The following EFCAB6 variants were observed in gnomAD, a reference collection of about 807,000 sequenced individuals.
EFCAB6 encodes EF-hand calcium-binding domain-containing protein 6.
EFCAB6 carries 156 observed loss-of-function variants against 169.8 expected under a neutral mutation model. That is an observed-to-expected ratio of 0.92 (90% CI 0.81 to 1.05). The LOEUF (loss-of-function observed/expected upper bound fraction) is 1.05. Among genes scored for constraint, EFCAB6 ranks in the 50% least tolerant of loss-of-function variants. The pLI is 0.00. For synonymous variants in EFCAB6, 698 were observed against 676.4 expected (o/e 1.03, Z -0.50); for missense variants, 1,800 against 1,829.1 (o/e 0.98, Z 0.29).
At chr22:43,668,192 A>G (rs1569348361) in intron 16 of EFCAB6, among the ~76,000 whole-genome samples, 1 of 152,174 alleles carries the variant, frequency 6.6e-6, no homozygotes, top group Non-Finnish European at 1.5e-5. Flanking sequence ...ATTGCTCTTT[A>G]CTTAAGAACT....
In EFCAB6 at chr22:43,789,847, T is replaced by TACACACACA. The variant is rs2062213434; in HGVS notation, c.-7-7523_-7-7522insTGTGTGTGT. Reference sequence around the variant, plus strand: ...CTGAGGCTCCTAAGTTGGCTAACCTTCACACACACACACACACACACACAC... The same window carrying TACACACACA: ...CTGAGGCTCCTAAGTTGGCTAACCTTACACACACACACACACACACACACACACACACAC... On this transcript the variant is annotated intron_variant, in intron 2 of 31. Transcript: ENST00000262726. 3.5e-5 allele frequency among the ~76,000 whole-genome samples: 5 copies of TACACACACA among 143,404 alleles called. No homozygotes were observed. The East Asian group carries it at 1.0e-3, about 29-fold the overall frequency. 94.1% of individuals were successfully genotyped at this position (143,404 alleles called of 152,430 possible).
Position 43,598,310 on chromosome 22 carries a change from G to GAAAAAAAAAAAAAAAAAAAAAAAAAAA in EFCAB6, c.2876+1758_2876+1759insTTTTTTTTTTTTTTTTTTTTTTTTTTT, listed in dbSNP as rs1402967848. On this transcript the variant is annotated intron_variant, in intron 23 of 31. Coordinates refer to ENST00000262726, the MANE Select transcript of EFCAB6 (RefSeq NM_022785.4). Reference sequence around the variant, plus strand: ...TGATGAAAGTGAGACACTGTCTCCGGGAAAAAAAAAAAAAAAAAAAAAAAA... The same window carrying GAAAAAAAAAAAAAAAAAAAAAAAAAAA: ...TGATGAAAGTGAGACACTGTCTCCGGAAAAAAAAAAAAAAAAAAAAAAAAAAAGAAAAAAAAAAAAAAAAAAAAAAAA... 3.5e-5 allele frequency among the ~76,000 whole-genome samples: 2 copies of GAAAAAAAAAAAAAAAAAAAAAAAAAAA among 57,660 alleles called. 1 individual carries two copies. Among genetic ancestry groups the GAAAAAAAAAAAAAAAAAAAAAAAAAAA allele is most frequent in the African/African-American group, 1.1e-4 (2 of 18,676 alleles). The allele number at this position is 57,660 out of a possible 152,430, so 37.8% of individuals were successfully genotyped here.
chr22:43,614,800 A>C (rs11703190), intron 21 of EFCAB6, among the ~76,000 whole-genome samples: 1 of 152,098 alleles, frequency 6.6e-6, no homozygotes, highest in African/African-American at 2.4e-5. Flanking sequence ...CAGACAGTCC[A>C]CTCTATAGAG....
chr22:43,811,356 GAAGA>G (rs1186613014), intron 1 of EFCAB6, among the ~76,000 whole-genome samples: 1 of 95,816 alleles, frequency 1.0e-5, no homozygotes, highest in Non-Finnish European at 2.0e-5. Flanking sequence ...GGGAGGAAGG[GAAGA>G]AAGGGGAAGG....
intron 16 of EFCAB6, 143 bp downstream of exon 16, chr22:43,668,729 C>G (rs1444095133): frequency 1.4e-6 from 1 of 729,968 alleles, no homozygotes; most frequent in African/African-American, 1.8e-5. Context: ...TTCCCTGACT[C>G]TAATTACTGT....
chr22:43,585,287 G>A (rs545415596), intron 24 of EFCAB6, among the ~76,000 whole-genome samples: 1 of 151,644 alleles, frequency 6.6e-6, no homozygotes, highest in Admixed American at 6.6e-5. Context: ...AAAAGAAAAT[G>A]CCAGAAATTA....
chr22:43,579,400 C>CTACA (rs2050528052), intron 25 of EFCAB6, among the ~76,000 whole-genome samples: 4 of 149,904 alleles, frequency 2.7e-5, no homozygotes, highest in Admixed American at 6.6e-5. Context: ...GCATCATTCC[C>CTACA]TGCATGCAGG....
At chr22:43,690,178 C>T (rs1341755163) in intron 10 of EFCAB6, among the ~76,000 whole-genome samples, 1 of 152,032 alleles carries the variant, frequency 6.6e-6, no homozygotes. Context: ...AATGTATTTC[C>T]ATACCTCTAC....
intron 13 of EFCAB6, among the ~76,000 whole-genome samples, chr22:43,675,200 T>C (rs2057671064): frequency 6.9e-6 from 1 of 145,814 alleles, no homozygotes; most frequent in Admixed American, 7.0e-5. Context: ...TAATTTGTAA[T>C]ATATAATATA....
intron 13 of EFCAB6, among the ~76,000 whole-genome samples, chr22:43,676,556 T>A (rs921654738): frequency 2.0e-5 from 3 of 152,158 alleles, no homozygotes; most frequent in African/African-American, 7.2e-5. Flanking sequence ...GGGATTTTTA[T>A]CATTATTTTC....
Position 43,764,493 on chromosome 22 carries a change from C to T in EFCAB6, c.440+812G>A, listed in dbSNP as rs141300642. On this transcript the variant is annotated intron_variant, in intron 5 of 31. Transcript: ENST00000262726. The stretch of plus-strand genomic sequence containing the variant: ...GTCTTTGCTACTGTGACTAGTGCTG[C>T]GATGAACATATGAGTGCATGTGTCT... 1.5e-4 allele frequency among the ~76,000 whole-genome samples: 23 copies of T among 152,216 alleles called. 1 individual carries two copies. The East Asian group carries it at 3.7e-3, about 24-fold the overall frequency.
chr22:43,576,508 A>C lies in EFCAB6; in HGVS notation c.3229-20T>G, dbSNP rs770164858. The C allele has an allele frequency of 1.3e-6, 2 of 1,508,530 alleles. No homozygotes were observed. The highest frequency in any genetic ancestry group is 1.8e-6 in the Non-Finnish European group (2 of 1,136,842). The allele number at this position is 1,508,530 out of a possible 1,614,324, so 93.4% of individuals were successfully genotyped here. On this transcript the variant is annotated intron_variant, in intron 25 of 31. Coordinates refer to ENST00000262726, the MANE Select transcript of EFCAB6 (RefSeq NM_022785.4). ...AAATGCCTAAAAAGAAAGAAAAGAAAAAAAGATGGCAAATCCTGTCAAATG... is the reference window on the plus strand; with the variant it reads ...AAATGCCTAAAAAGAAAGAAAAGAACAAAAGATGGCAAATCCTGTCAAATG...
intron 8 of EFCAB6, among the ~76,000 whole-genome samples, chr22:43,731,407 T>C (rs1290751372): frequency 1.3e-5 from 2 of 152,198 alleles, no homozygotes; most frequent in African/African-American, 4.8e-5. Context: ...TTTGGAATAT[T>C]TTCCAATCCG....
chr22:43,698,622 T>C (rs1024696555), intron 10 of EFCAB6, among the ~76,000 whole-genome samples: 2 of 152,052 alleles, frequency 1.3e-5, no homozygotes, highest in Non-Finnish European at 2.9e-5. Flanking sequence ...CATTACAGAG[T>C]TGGCTAAGAG....
chr22:43,670,459 G>A (rs536445987), intron 15 of EFCAB6, among the ~76,000 whole-genome samples: 1 of 152,324 alleles, frequency 6.6e-6, no homozygotes, highest in Admixed American at 6.5e-5. Context: ...TAATGATCAA[G>A]TGGGAGAATC....
chr22:43,575,358 G>GTTTTT (rs34543550), intron 26 of EFCAB6, among the ~76,000 whole-genome samples: 14 of 104,838 alleles, frequency 1.3e-4, no homozygotes, highest in Non-Finnish European at 1.7e-4. Flanking sequence ...ATCCGGCTAT[G>GTTTTT]TTTTTTTTTT....
intron 21 of EFCAB6, among the ~76,000 whole-genome samples, chr22:43,615,212 G>C (rs915344489): frequency 6.6e-6 from 1 of 152,214 alleles, no homozygotes; most frequent in Non-Finnish European, 1.5e-5. Context: ...GCATTATAAA[G>C]TGGTGATCTC....
At chr22:43,592,632 C>T (rs1453500024) in intron 23 of EFCAB6, among the ~76,000 whole-genome samples, 1 of 152,138 alleles carries the variant, frequency 6.6e-6, no homozygotes, top group East Asian at 1.9e-4. Context: ...CACTCCGTGA[C>T]AAAGCTGCGC....
At position 43,674,116 on chromosome 22, in the gene EFCAB6, A is replaced by T. The variant is rs553491304; in HGVS notation, c.1420-1811T>A. ...TTACACCTCAATAAAGCTGTTTTTA[A>T]AAAACAGAAGTATGGGTATGCATGT... is the stretch of plus-strand genomic sequence containing the variant. On this transcript the variant is annotated intron_variant, in intron 13 of 31. Coordinates refer to ENST00000262726, the MANE Select transcript of EFCAB6 (RefSeq NM_022785.4). 2.0e-5 allele frequency among the ~76,000 whole-genome samples: 3 copies of T among 152,358 alleles called. No homozygotes were observed. In the South Asian group the frequency reaches 6.2e-4, roughly 32 times the overall value.
Sources: gnomAD v4.1 joint callset for allele counts (sites outside exome capture counted in the v4.1 genomes callset) on GRCh38, gnomAD v4.1.1 for gene constraint, MANE v1.5 for transcripts, NCBI Gene and HGNC (gene_info 2026-07-23, HGNC 2026-07-21) for gene names.